HARBI1: variants seen among roughly 807,000 people sequenced by gnomAD.
HARBI1 encodes the protein putative nuclease HARBI1.
In HARBI1, 15 loss-of-function variants were observed where a neutral mutation model predicts 25.3. The observed-to-expected ratio is 0.59, with a 90% confidence interval of 0.40 to 0.91. The LOEUF is 0.91. Among genes scored for constraint, HARBI1 ranks in the 40% least tolerant of loss-of-function variants. The pLI, the probability that HARBI1 is intolerant of heterozygous loss-of-function variation, is 0.00. For missense variants in HARBI1, 396 were observed against 445.8 expected (o/e 0.89, Z 1.01); for synonymous variants, 168 against 160.5 (o/e 1.05, Z -0.35).
At chr11:46,613,429 TG>T (rs2045258255) in intron 2 of HARBI1, among the ~76,000 whole-genome samples, 1 of 151,830 alleles carries the variant, frequency 6.6e-6, no homozygotes, top group Non-Finnish European at 1.5e-5. Flanking sequence ...CTCAATTGTA[TG>T]GATGTACAAT....
chr11:46,610,614 C>A (rs181444143), intron 2 of HARBI1, among the ~76,000 whole-genome samples: 1 of 152,008 alleles, frequency 6.6e-6, no homozygotes, highest in Non-Finnish European at 1.5e-5. Flanking sequence ...GAGCCGAGAT[C>A]GCACCACTGC....
intron 1 of HARBI1, chr11:46,616,820 A>G: frequency 4.1e-6 from 4 of 974,586 alleles, no homozygotes; most frequent in Non-Finnish European, 4.9e-6. Context: ...GTCTAACAAG[A>G]AAAGAAGGGG....
At position 46,615,777 on chromosome 11, in the gene HARBI1, G is replaced by C. The variant is rs773846623; in HGVS notation, c.461C>G (p.Ala154Gly). 2.5e-6 allele frequency: 4 copies of C among 1,614,110 alleles called. No homozygotes were observed. Among genetic ancestry groups the C allele is most frequent in the Non-Finnish European group, 3.4e-6 (4 of 1,180,016 alleles). ...GTCTTCAGCATTTGGTGCCTTGATG[G>C]CCACATGGATACAGTCAACCACCCC... ...VMGVVDCIHV[A>G]IKAPNAEDLS... The change falls in exon 2 of 3, where the codon GCC becomes GGC. Residue 154 changes from alanine to glycine, a missense_variant. Coordinates refer to ENST00000326737, the MANE Select transcript of HARBI1 (RefSeq NM_173811.4).
chr11:46,617,867 A>G (rs2045782869), upstream of HARBI1: 3 of 398,840 alleles, frequency 7.5e-6, no homozygotes, highest in Non-Finnish European at 4.4e-6. Flanking sequence ...GCCCGGAACC[A>G]CTCTTTGTGC....
intron 1 of HARBI1, 102 bp from the exon 2 acceptor site, chr11:46,616,483 G>GC: frequency 7.5e-7 from 1 of 1,332,374 alleles, no homozygotes; most frequent in South Asian, 1.8e-5. Flanking sequence ...TTTTGTTGAG[G>GC]CAAAACGTAC....
At chr11:46,614,988 C>G (rs1161709944) in intron 2 of HARBI1, among the ~76,000 whole-genome samples, 1 of 152,166 alleles carries the variant, frequency 6.6e-6, no homozygotes, top group African/African-American at 2.4e-5. Flanking sequence ...TCTTGGCTAA[C>G]CGCAACCTCC....
chr11:46,609,009 C>T (rs373967574), intron 2 of HARBI1, among the ~76,000 whole-genome samples: 2 of 151,552 alleles, frequency 1.3e-5, no homozygotes, highest in African/African-American at 4.9e-5. Context: ...CTGCAACCTC[C>T]GCCTCCCAGG....
chr11:46,605,363 T>C (rs898665418), intron 2 of HARBI1, among the ~76,000 whole-genome samples: 1 of 151,654 alleles, frequency 6.6e-6, no homozygotes, highest in Non-Finnish European at 1.5e-5. Flanking sequence ...CCACCATGCC[T>C]GGCAAAATTT....
chr11:46,604,681 A>C (rs2044870099), intron 2 of HARBI1: 1 of 985,266 alleles, frequency 1.0e-6, no homozygotes, highest in South Asian at 4.7e-5. Context: ...TGCTAAGAAG[A>C]ATAAGATAAA....
intron 2 of HARBI1, among the ~76,000 whole-genome samples, chr11:46,606,467 C>G (rs1324960997): frequency 6.6e-6 from 1 of 151,178 alleles, no homozygotes; most frequent in Non-Finnish European, 1.5e-5. Context: ...CATGTACCAC[C>G]ATGACTGGCT....
At chr11:46,612,765 G>A (rs549706954) in intron 2 of HARBI1, among the ~76,000 whole-genome samples, 1 of 151,524 alleles carries the variant, frequency 6.6e-6, no homozygotes, top group South Asian at 2.1e-4. Flanking sequence ...CTGCCTCCCG[G>A]GTTCAAGCAA....
chr11:46,616,057 T>A lies in HARBI1; in HGVS notation c.181A>T (p.Thr61Ser). 1.2e-6 allele frequency: 2 copies of A among 1,614,088 alleles called. No homozygotes were observed. Among genetic ancestry groups the A allele is most frequent in the Non-Finnish European group, 1.7e-6 (2 of 1,180,014 alleles). ...GGGCTAATAGCCCTGGATCGCTGAG[T>A]AGGCCTAGAAAGATTCGCCCCCAAG... ...ELLGANLSRP[T>S]QRSRAISPET... The change falls in exon 2 of 3, where the codon ACT becomes TCT. Residue 61 changes from threonine to serine, a missense_variant. Physicochemically the swap from Thr to Ser is moderately conservative, Grantham distance 58. Transcript: ENST00000326737.
intron 2 of HARBI1, among the ~76,000 whole-genome samples, chr11:46,615,210 C>T (rs1346543827): frequency 6.6e-6 from 1 of 150,918 alleles, no homozygotes; most frequent in Admixed American, 6.6e-5. Context: ...CACGTGCGGT[C>T]CCTTTTCTTT....
chr11:46,614,200 G>A (rs1003297170), intron 2 of HARBI1, among the ~76,000 whole-genome samples: 1 of 151,552 alleles, frequency 6.6e-6, no homozygotes, highest in Non-Finnish European at 1.5e-5. Flanking sequence ...GGCTGAGATG[G>A]GCAGATCAAC....
chr11:46,607,500 T>C (rs1171958505), intron 2 of HARBI1, among the ~76,000 whole-genome samples: 1 of 152,166 alleles, frequency 6.6e-6, no homozygotes. Context: ...AGATGAATAC[T>C]GAAAACTGGA....
Position 46,609,946 on chromosome 11 carries a change from A to G in HARBI1, c.670+5622T>C, listed in dbSNP as rs1392846602. Among the ~76,000 whole-genome samples the G allele has an allele frequency of 7.6e-5, 11 of 145,134 alleles. No homozygotes were observed. In the East Asian group the frequency reaches 2.3e-3, roughly 30 times the overall value. Reference sequence around the variant, plus strand: ...CGGCTCACTGCAACCTCCACCTCCCAGGTTCAAGTGATTCTCCTGCCTCAG... The same window carrying G: ...CGGCTCACTGCAACCTCCACCTCCCGGGTTCAAGTGATTCTCCTGCCTCAG... On this transcript the variant is annotated intron_variant, in intron 2 of 2. Coordinates refer to ENST00000326737, the MANE Select transcript of HARBI1 (RefSeq NM_173811.4).
intron 2 of HARBI1, chr11:46,604,804 C>T: frequency 5.4e-6 from 3 of 555,582 alleles, no homozygotes; most frequent in Non-Finnish European, 6.9e-6. Context: ...ACAAAGAGAG[C>T]ATACATATAA....
At chr11:46,609,586 T>A (rs2045092457) in intron 2 of HARBI1, among the ~76,000 whole-genome samples, 1 of 57,094 alleles carries the variant, frequency 1.8e-5, no homozygotes, top group South Asian at 6.3e-4. Context: ...CCTCAAGTGA[T>A]CCACAGACGT....
At chr11:46,612,009 G>A (rs903958324) in intron 2 of HARBI1, among the ~76,000 whole-genome samples, 1 of 151,076 alleles carries the variant, frequency 6.6e-6, no homozygotes, top group African/African-American at 2.4e-5. Context: ...GTGGTACCCT[G>A]GCAGCTCTAC....
Sources: allele counts gnomAD v4.1 joint callset (sites outside exome capture counted in the v4.1 genomes callset), GRCh38; gene constraint gnomAD v4.1.1; transcripts MANE v1.5; gene names NCBI Gene and HGNC (gene_info 2026-07-23, HGNC 2026-07-21).